The following HECW2 variants were observed in gnomAD, a reference collection of about 807,000 sequenced individuals.
The protein encoded by HECW2 is E3 ubiquitin-protein ligase HECW2.
Under a neutral mutation model 175.2 loss-of-function variants are expected in HECW2, and 61 were observed. The observed-to-expected ratio is 0.35, with a 90% CI of 0.28 to 0.43. The LOEUF is 0.43. Ranked by LOEUF, HECW2 falls within the 20% of genes least tolerant of loss-of-function variation. The pLI is 1.00. For missense variants in HECW2, 1,524 were observed against 2,000.5 expected (o/e 0.76, Z 4.54); for synonymous variants, 671 against 731.0 (o/e 0.92, Z 1.32).
chr2:196,331,079 C>T (rs1377209573), intron 4 of HECW2: 2 of 864,980 alleles, frequency 2.3e-6, no homozygotes, highest in Admixed American at 6.2e-5. Flanking sequence ...ATTTCTACTG[C>T]CTCCGCTGTA....
chr2:196,288,008 T>TTTTTATTATACTTTTATTATAC (rs1690456431), intron 14 of HECW2: 1 of 152,160 alleles, frequency 6.6e-6, no homozygotes, highest in African/African-American at 2.4e-5. Context: ...TTATCTTTTT[T>TTTTTATTATACTTTTATTATAC]TTTTATTATA....
chr2:196,547,367 T>C (rs1279919133), intron 1 of HECW2, among the ~76,000 whole-genome samples: 3 of 152,226 alleles, frequency 2.0e-5, no homozygotes, highest in African/African-American at 7.2e-5. Context: ...TAAGTTTAAC[T>C]GAATCCTGCC....
At chr2:196,558,551 G>A (rs948669212) in intron 1 of HECW2, among the ~76,000 whole-genome samples, 5 of 152,224 alleles carry the variant, frequency 3.3e-5, no homozygotes, top group East Asian at 1.9e-4. Flanking sequence ...CCATTTGAAC[G>A]TGATTAATTC....
chr2:196,344,322 GAAAAAAAAAAA>G (rs60573890), intron 2 of HECW2, among the ~76,000 whole-genome samples: 2 of 67,660 alleles, frequency 3.0e-5, no homozygotes, highest in Non-Finnish European at 5.1e-5. Context: ...GACAAGATAA[GAAAAAAAAAAA>G]AAAAAAAAAA....
intron 10 of HECW2, among the ~76,000 whole-genome samples, chr2:196,314,997 G>T (rs369821281): frequency 6.6e-6 from 1 of 152,098 alleles, no homozygotes; most frequent in Non-Finnish European, 1.5e-5. Flanking sequence ...GCAGCCAAGC[G>T]ATTAACACTG....
At chr2:196,257,769 T>C (rs6731238) in intron 18 of HECW2, 54 bp downstream of exon 18, 3 of 1,201,666 alleles carry the variant, frequency 2.5e-6, no homozygotes, top group African/African-American at 3.0e-5. Flanking sequence ...CAATGTTCCA[T>C]GATATCTGAT....
chr2:196,590,521 C>A (rs1691150776), intron 1 of HECW2, among the ~76,000 whole-genome samples: 1 of 152,174 alleles, frequency 6.6e-6, no homozygotes, highest in Non-Finnish European at 1.5e-5. Flanking sequence ...CCAGGCCAGG[C>A]CCACAGCAAG....
intron 1 of HECW2, among the ~76,000 whole-genome samples, chr2:196,477,407 C>T (rs1686679724): frequency 6.6e-6 from 1 of 152,072 alleles, no homozygotes; most frequent in African/African-American, 2.4e-5. Flanking sequence ...ATCTTACATG[C>T]TTTTTAAAAT....
chr2:196,216,980 T>C (rs960775033), intron 27 of HECW2, 28 bp downstream of exon 27: 28 of 1,396,722 alleles, frequency 2.0e-5, no homozygotes, highest in Middle Eastern at 1.9e-4. Flanking sequence ...TATTGATACA[T>C]TTAAAAGATT....
chr2:196,407,319 G>A (rs373193359), intron 2 of HECW2, among the ~76,000 whole-genome samples: 7 of 151,090 alleles, frequency 4.6e-5, no homozygotes, highest in African/African-American at 1.7e-4. Flanking sequence ...GACTAGAAGT[G>A]CATGTTACTA....
chr2:196,557,299 G>A (rs1689830830), intron 1 of HECW2, among the ~76,000 whole-genome samples: 1 of 151,962 alleles, frequency 6.6e-6, no homozygotes, highest in Non-Finnish European at 1.5e-5. Context: ...GGAGGTTGAG[G>A]CAGGAGAATT....
intron 2 of HECW2, among the ~76,000 whole-genome samples, chr2:196,422,936 G>A (rs998149616): frequency 1.3e-5 from 2 of 152,058 alleles, no homozygotes; most frequent in African/African-American, 4.8e-5. Flanking sequence ...ACCTTGTAAA[G>A]CATGTTGATT....
At chr2:196,367,876 T>TTGTG (rs34963101) in intron 2 of HECW2, among the ~76,000 whole-genome samples, 2 of 144,904 alleles carry the variant, frequency 1.4e-5, no homozygotes, top group East Asian at 3.9e-4. Context: ...GTGTGTGTGT[T>TTGTG]TGTGTGTGTG....
intron 17 of HECW2, among the ~76,000 whole-genome samples, chr2:196,265,625 ATTAC>A (rs1689483199): frequency 6.6e-6 from 1 of 151,948 alleles, no homozygotes; most frequent in African/African-American, 2.4e-5. Flanking sequence ...TTAGGGGCAA[ATTAC>A]TTTAAACTGA....
At chr2:196,574,412 A>G (rs1690491019) in intron 1 of HECW2, among the ~76,000 whole-genome samples, 1 of 152,142 alleles carries the variant, frequency 6.6e-6, no homozygotes, top group Non-Finnish European at 1.5e-5. Context: ...TGTGGGCGAT[A>G]GAGTGAGACT....
chr2:196,219,554 ATGT>A (rs1482386849), intron 26 of HECW2, among the ~76,000 whole-genome samples: 3 of 152,186 alleles, frequency 2.0e-5, no homozygotes, highest in African/African-American at 4.8e-5. Context: ...TTCTCCAATA[ATGT>A]TGTATTTTGG....
chr2:196,277,827 A>T (rs1690016345), intron 15 of HECW2, among the ~76,000 whole-genome samples: 2 of 151,908 alleles, frequency 1.3e-5, no homozygotes, highest in African/African-American at 4.8e-5. Flanking sequence ...TGTCCTTTGT[A>T]GGGACATGGG....
rs111391617 is a variant in HECW2, at chr2:196,324,948, A to G, written c.741+32T>C. The G allele has an allele frequency of 2.0e-4, 304 of 1,519,476 alleles. 1 individual carries two copies. The African/African-American group carries it at 3.5e-3, about 17-fold the overall frequency. 94.1% of individuals were successfully genotyped at this position (1,519,476 alleles called of 1,614,324 possible). On this transcript the variant is annotated intron_variant, in intron 6 of 28. Coordinates refer to ENST00000644978, the MANE Select transcript of HECW2 (RefSeq NM_001348768.2). ...GAGAGACTGGGCTGACTTCCTCACC[A>G]TCAAGTAGGAGACCCCCGAGGATCA... is the stretch of plus-strand genomic sequence containing the variant.
intron 13 of HECW2, among the ~76,000 whole-genome samples, chr2:196,300,984 T>C (rs111610924): frequency 0.014 from 2,168 of 152,196 alleles, 46 homozygotes; most frequent in African/African-American, 0.05. Context: ...ACCTAGGTAT[T>C]AGGCCCAGCA....
Sources: allele counts gnomAD v4.1 joint callset (sites outside exome capture counted in the v4.1 genomes callset), GRCh38; gene constraint gnomAD v4.1.1; transcripts MANE v1.5; gene names NCBI Gene and HGNC (gene_info 2026-07-23, HGNC 2026-07-21).